The following PCDHGA10 variants were observed in gnomAD, a reference collection of about 807,000 sequenced individuals.
The protein encoded by PCDHGA10 is protocadherin gamma subfamily A, 10.
PCDHGA10 carries 42 observed loss-of-function variants against 59.5 expected under a neutral mutation model. The observed-to-expected ratio is 0.71, with a 90% confidence interval of 0.55 to 0.91. PCDHGA10 has a LOEUF of 0.91. Among genes scored for constraint, PCDHGA10 ranks in the 40% least tolerant of loss-of-function variants. PCDHGA10 has a pLI of 0.00. For synonymous variants in PCDHGA10, 511 were observed against 517.2 expected (o/e 0.99, Z 0.16); for missense variants, 1,111 against 1,198.2 (o/e 0.93, Z 1.07).
chr5:141,420,974 T>C, intron 1 of PCDHGA10: 1 of 460,696 alleles, frequency 2.2e-6, no homozygotes, highest in Non-Finnish European at 3.8e-6. Flanking sequence ...ATAATAAGAA[T>C]GGGCTCTAGG....
chr5:141,477,854 C>T lies in PCDHGA10; in HGVS notation c.2437-16953C>T. Reference sequence around the variant, plus strand: ...GCCAGGTGGGAGCTCGGTGGAGATGCTGCCTCGAGGTACCTCAGCTGGCCA... The same window carrying T: ...GCCAGGTGGGAGCTCGGTGGAGATGTTGCCTCGAGGTACCTCAGCTGGCCA... On this transcript the variant is annotated intron_variant, in intron 1 of 3. Transcript: ENST00000398610. This position sits in a 1 kb window ranked among gnomAD's most constrained non-coding sequence, Gnocchi z 4.9. 1.9e-6 allele frequency: 3 copies of T among 1,614,098 alleles called. No individual in the cohort carries two copies. The South Asian group carries it at 3.3e-5, about 18-fold the overall frequency.
chr5:141,427,139 T>C (rs1430333586), intron 1 of PCDHGA10: 2 of 456,952 alleles, frequency 4.4e-6, no homozygotes, highest in East Asian at 1.4e-4. Context: ...TACGAGATGA[T>C]ATTGGAAATA....
rs372043756 is a variant in PCDHGA10 at position 141,476,212 on chromosome 5, C to G, written c.2437-18595C>G. ...GTGCCTTGAACAAGGCTTCCACGGT[C>G]ATTCACTATGAGATCCCGGAGGAAA... On this transcript the variant is annotated intron_variant, in intron 1 of 3. Coordinates refer to ENST00000398610, the MANE Select transcript of PCDHGA10 (RefSeq NM_018913.3). The surrounding 1 kb of genome is among the most constrained non-coding windows in gnomAD (Gnocchi z 7.6). 6 of 1,613,932 alleles carry G rather than the reference C, an allele frequency of 3.7e-6. No individual in the cohort carries two copies. The highest frequency in any genetic ancestry group is 5.1e-6 in the Non-Finnish European group (6 of 1,180,012).
intron 1 of PCDHGA10, among the ~76,000 whole-genome samples, chr5:141,460,981 G>A (rs35435563): frequency 1.6e-4 from 20 of 121,900 alleles, no homozygotes; most frequent in African/African-American, 3.7e-4. Context: ...GTGTGTGTGT[G>A]TGTATATATA....
chr5:141,441,838 C>A, intron 1 of PCDHGA10: 1 of 355,582 alleles, frequency 2.8e-6, no homozygotes, highest in Non-Finnish European at 5.5e-6. Context: ...TGGCTTCGCG[C>A]TCTTGGATAT....
Position 141,485,168 on chromosome 5 carries a change from G to A in PCDHGA10, c.2437-9639G>A. The A allele has an allele frequency of 6.2e-7, 1 of 1,608,668 alleles. No individual in the cohort carries two copies. Among genetic ancestry groups the A allele is most frequent in the Non-Finnish European group, 8.5e-7 (1 of 1,175,736 alleles). ...GGAGCAAGTAGAGAATTAGCGGGCG[G>A]CAGCAATGCTCCGCAAGGTGAGAAG... is the stretch of plus-strand genomic sequence containing the variant. On this transcript the variant is annotated intron_variant, in intron 1 of 3. Coordinates refer to ENST00000398610, the MANE Select transcript of PCDHGA10 (RefSeq NM_018913.3). This position sits in a 1 kb window ranked among gnomAD's most constrained non-coding sequence, Gnocchi z 5.7.
At chr5:141,419,052 C>A (rs1017300472) in intron 1 of PCDHGA10, 6 of 1,613,948 alleles carry the variant, frequency 3.7e-6, no homozygotes, top group East Asian at 2.2e-5. Context: ...CATTCTTCTT[C>A]TAATAATTAC....
rs748972821 is a variant in PCDHGA10 at position 141,476,094 on chromosome 5, GAGAGGAACT to G, written c.2437-18712_2437-18704del. ...TCTCAGGGACGATCTGGACCCCGCT[GAGAGGAACT>G]GCTTTTGAGTGAGATGGTCCCAGAG... is the stretch of plus-strand genomic sequence containing the variant. On this transcript the variant is annotated intron_variant, in intron 1 of 3. Coordinates refer to ENST00000398610, the MANE Select transcript of PCDHGA10 (RefSeq NM_018913.3). This position sits in a 1 kb window ranked among gnomAD's most constrained non-coding sequence, Gnocchi z 7.6. 6.4e-7 allele frequency: 1 copy of G among 1,568,172 alleles called. No individual in the cohort carries two copies. The highest frequency in any genetic ancestry group is 1.2e-5 in the South Asian group (1 of 85,292).
intron 1 of PCDHGA10, among the ~76,000 whole-genome samples, chr5:141,463,839 T>C (rs1356261890): frequency 1.3e-5 from 2 of 152,240 alleles, no homozygotes; most frequent in African/African-American, 4.8e-5. Flanking sequence ...TTCCCAGTTG[T>C]TATAGTGGTA....
chr5:141,474,710 A>T (rs535069070), intron 1 of PCDHGA10, among the ~76,000 whole-genome samples: 31 of 152,330 alleles, frequency 2.0e-4, no homozygotes, highest in African/African-American at 6.3e-4. Context: ...GTTCTATTAT[A>T]CTTCAAAAGG....
chr5:141,439,667 C>T (rs149776177), intron 1 of PCDHGA10, among the ~76,000 whole-genome samples: 2,012 of 152,292 alleles, frequency 0.013, 16 homozygotes, highest in Middle Eastern at 0.034. Context: ...TCATGGAATG[C>T]AAATCCAAGA....
chr5:141,430,615 A>G, intron 1 of PCDHGA10: 1 of 686,990 alleles, frequency 1.5e-6, no homozygotes, highest in Non-Finnish European at 2.2e-6. Context: ...CAAAGCAGAT[A>G]GCTAGGAATG....
At chr5:141,423,990 T>A (rs2096793990) in intron 1 of PCDHGA10, 2 of 1,090,000 alleles carry the variant, frequency 1.8e-6, no homozygotes, top group East Asian at 1.1e-4. Flanking sequence ...GCTCTCAATT[T>A]ATTATATATA....
In PCDHGA10 at chr5:141,482,843, G is replaced by T. The variant is rs1005014887; in HGVS notation, c.2437-11964G>T. On this transcript the variant is annotated intron_variant, in intron 1 of 3. Transcript: ENST00000398610. ...TCCTAGCACTTTGGGAGGCCAAGGT[G>T]GGCAGATCACTTGAGGTCAGGAGTT... Among the ~76,000 whole-genome samples the T allele has an allele frequency of 4.3e-5, 6 of 140,152 alleles. No homozygotes were observed. The South Asian group carries it at 8.6e-4, about 20-fold the overall frequency. 91.9% of individuals were successfully genotyped at this position (140,152 alleles called of 152,430 possible).
Position 141,491,756 on chromosome 5 carries a change from C to T in PCDHGA10, c.2437-3051C>T. The T allele has an allele frequency of 1.3e-6, 2 of 1,581,720 alleles. No individual in the cohort carries two copies. Among genetic ancestry groups the T allele is most frequent in the Non-Finnish European group, 8.6e-7 (1 of 1,165,100 alleles). ...CCTGGGGGCGGCACTGGAGAAGCCG[C>T]CCGTCCTCATAAGGGATTGAACTTG... On this transcript the variant is annotated intron_variant, in intron 1 of 3. Coordinates refer to ENST00000398610, the MANE Select transcript of PCDHGA10 (RefSeq NM_018913.3). This position sits in a 1 kb window ranked among gnomAD's most constrained non-coding sequence, Gnocchi z 6.9.
In PCDHGA10 at chr5:141,476,850, A is replaced by G. The variant is rs747333239; in HGVS notation, c.2437-17957A>G. The G allele has an allele frequency of 1.2e-6, 2 of 1,613,836 alleles. No individual in the cohort carries two copies. Among genetic ancestry groups the G allele is most frequent in the Admixed American group, 3.3e-5 (2 of 60,030 alleles). ...GCGAATGACAATGCGCCTGTCTTCA[A>G]CCAGTCCTTGTACCGGGCGCGCGTC... is the stretch of plus-strand genomic sequence containing the variant. On this transcript the variant is annotated intron_variant, in intron 1 of 3. Transcript: ENST00000398610. The surrounding 1 kb of genome is among the most constrained non-coding windows in gnomAD (Gnocchi z 7.6).
rs1410460145 is a variant in PCDHGA10 at position 141,490,798 on chromosome 5, C to T, written c.2437-4009C>T. On this transcript the variant is annotated intron_variant, in intron 1 of 3. Coordinates refer to ENST00000398610, the MANE Select transcript of PCDHGA10 (RefSeq NM_018913.3). The surrounding 1 kb of genome is among the most constrained non-coding windows in gnomAD (Gnocchi z 5.4). The stretch of plus-strand genomic sequence containing the variant: ...AGAGGATGGACGGATCTTTGCCCAG[C>T]GTACCTTTGACTATGAATTGCTGCA... 9.3e-6 allele frequency: 15 copies of T among 1,613,808 alleles called. No individual in the cohort carries two copies. Among genetic ancestry groups the T allele is most frequent in the Admixed American group, 6.7e-5 (4 of 60,002 alleles).
chr5:141,440,990 C>T (rs1195325115), intron 1 of PCDHGA10: 2 of 152,172 alleles, frequency 1.3e-5, no homozygotes, highest in African/African-American at 4.8e-5. Flanking sequence ...CCAGAGTACC[C>T]ATATCTAGTT....
At chr5:141,510,311 C>T (rs375516156) in intron 3 of PCDHGA10, among the ~76,000 whole-genome samples, 98 of 151,056 alleles carry the variant, frequency 6.5e-4, no homozygotes, top group African/African-American at 2.3e-3. Flanking sequence ...GAAATGGAGG[C>T]TTGGAAGAGC....
Sources: gnomAD v4.1 joint callset for allele counts (sites outside exome capture counted in the v4.1 genomes callset) on GRCh38, gnomAD v4.1.1 for gene constraint, Gnocchi (gnomAD v3.1) non-coding constraint, MANE v1.5 for transcripts, NCBI Gene and HGNC (gene_info 2026-07-23, HGNC 2026-07-21) for gene names.